HS3ST3A1: variants seen among roughly 807,000 people sequenced by gnomAD.
The protein encoded by HS3ST3A1 is heparan sulfate-glucosamine 3-sulfotransferase 3A1.
A neutral mutation model predicts 25.7 loss-of-function variants in HS3ST3A1; 19 were observed. The ratio of observed to expected loss-of-function variants is 0.74; its 90% confidence interval spans 0.52 to 1.08. The LOEUF is 1.08. Among genes scored for constraint, HS3ST3A1 ranks in the 50% least tolerant of loss-of-function variants. The pLI is 0.00. For missense variants in HS3ST3A1, 459 were observed against 594.3 expected, an observed-to-expected ratio of 0.77 and a Z score of 2.37; for synonymous variants, 226 against 278.6, an observed-to-expected ratio of 0.81 and a Z score of 1.88.
At chr17:13,600,387 G>A in intron 1 of HS3ST3A1, 144 bp downstream of exon 1, 1 of 1,363,616 alleles carries the variant, frequency 7.3e-7, no homozygotes, top group Non-Finnish European at 9.5e-7. Flanking sequence ...AAGGCGGAGA[G>A]GGAAGAAAGA....
chr17:13,506,882 C>T (rs1404123872), intron 1 of HS3ST3A1, among the ~76,000 whole-genome samples: 2 of 150,780 alleles, frequency 1.3e-5, no homozygotes, highest in South Asian at 2.1e-4. Flanking sequence ...CATGCTGTAA[C>T]CCTGTCTCTA....
At chr17:13,587,665 G>A (rs1485041999) in intron 1 of HS3ST3A1, among the ~76,000 whole-genome samples, 2 of 151,858 alleles carry the variant, frequency 1.3e-5, no homozygotes, top group East Asian at 3.9e-4. Context: ...GAGAGCAGGG[G>A]ATGATTTATA....
chr17:13,584,080 T>C (rs1323059569), intron 1 of HS3ST3A1, among the ~76,000 whole-genome samples: 1 of 152,218 alleles, frequency 6.6e-6, no homozygotes, highest in Non-Finnish European at 1.5e-5. Flanking sequence ...CATAAAAATA[T>C]GTCACTGATG....
intron 1 of HS3ST3A1, among the ~76,000 whole-genome samples, chr17:13,579,315 A>G (rs1908037003): frequency 1.3e-5 from 2 of 152,206 alleles, no homozygotes; most frequent in South Asian, 4.1e-4. Flanking sequence ...AAATAACATT[A>G]CAAACAAAGA....
intron 1 of HS3ST3A1, among the ~76,000 whole-genome samples, chr17:13,503,817 C>A (rs371475321): frequency 6.6e-6 from 1 of 152,136 alleles, no homozygotes; most frequent in Non-Finnish European, 1.5e-5. Flanking sequence ...ATCTACCAAA[C>A]GAGCGCATTC....
At chr17:13,581,757 T>G (rs1250718063) in intron 1 of HS3ST3A1, among the ~76,000 whole-genome samples, 1 of 152,190 alleles carries the variant, frequency 6.6e-6, no homozygotes, top group Non-Finnish European at 1.5e-5. Flanking sequence ...TTAATAAACT[T>G]TGGTCTATCA....
chr17:13,513,277 C>T (rs1030939752), intron 1 of HS3ST3A1, among the ~76,000 whole-genome samples: 1 of 152,234 alleles, frequency 6.6e-6, no homozygotes, highest in African/African-American at 2.4e-5. Context: ...CGCCTCACAT[C>T]TGTGTGACGG....
At chr17:13,552,695 T>C (rs1176968978) in intron 1 of HS3ST3A1, among the ~76,000 whole-genome samples, 1 of 152,218 alleles carries the variant, frequency 6.6e-6, no homozygotes, top group Non-Finnish European at 1.5e-5. Context: ...TTAACTGTTT[T>C]AGGCAAGGCT....
intron 1 of HS3ST3A1, among the ~76,000 whole-genome samples, chr17:13,524,435 T>C (rs1906345408): frequency 6.6e-6 from 1 of 152,106 alleles, no homozygotes. Flanking sequence ...TTTTTGTTTT[T>C]TTTGTAGATA....
In HS3ST3A1 at chr17:13,587,628, G is replaced by C. The variant is rs79889577; in HGVS notation, c.599+12903C>G. Among the ~76,000 whole-genome samples the C allele has an allele frequency of 2.6e-3, 390 of 152,026 alleles. 6 individuals carry two copies. The highest frequency in any genetic ancestry group is 3.5e-3 in the Non-Finnish European group (236 of 67,970). ...CCTACTACTCCTAAATGATTCATAT[G>C]GTACCCAGGCATCTAAAGGAAAAAG... On this transcript the variant is annotated intron_variant, in intron 1 of 1. Transcript: ENST00000284110.
At chr17:13,580,040 G>A (rs531160182) in intron 1 of HS3ST3A1, among the ~76,000 whole-genome samples, 1 of 150,924 alleles carries the variant, frequency 6.6e-6, no homozygotes, top group Non-Finnish European at 1.5e-5. Context: ...TACCAGTTTT[G>A]CATTTGCCAT....
At chr17:13,542,447 G>A (rs1906962867) in intron 1 of HS3ST3A1, among the ~76,000 whole-genome samples, 1 of 152,050 alleles carries the variant, frequency 6.6e-6, no homozygotes, top group Non-Finnish European at 1.5e-5. Flanking sequence ...ACAGAGGAAA[G>A]GTTGTGTGAA....
chr17:13,577,686 G>A (rs1394587592), intron 1 of HS3ST3A1, among the ~76,000 whole-genome samples: 1 of 152,158 alleles, frequency 6.6e-6, no homozygotes, highest in Non-Finnish European at 1.5e-5. Context: ...CTCAGTCAGA[G>A]ATAAAACACA....
intron 1 of HS3ST3A1, among the ~76,000 whole-genome samples, chr17:13,574,755 C>CAA: frequency 1.5e-5 from 1 of 68,110 alleles, no homozygotes; most frequent in Non-Finnish European, 2.8e-5. Context: ...CACACACACA[C>CAA]ACACAAAAAA....
intron 1 of HS3ST3A1, among the ~76,000 whole-genome samples, chr17:13,559,039 C>G (rs1330926160): frequency 1.3e-5 from 2 of 152,146 alleles, no homozygotes; most frequent in Non-Finnish European, 2.9e-5. Context: ...CTCAGCTATG[C>G]CCTTGTACAA....
intron 1 of HS3ST3A1, among the ~76,000 whole-genome samples, chr17:13,557,246 T>C (rs1907408344): frequency 6.6e-6 from 1 of 152,200 alleles, no homozygotes; most frequent in Non-Finnish European, 1.5e-5. Flanking sequence ...AAGAATGGAT[T>C]TTTCATCAGC....
intron 1 of HS3ST3A1, among the ~76,000 whole-genome samples, chr17:13,570,224 C>T (rs1907767633): frequency 6.8e-6 from 1 of 147,128 alleles, no homozygotes; most frequent in South Asian, 2.1e-4. Context: ...CTCAATGCTA[C>T]CAGGAGACAA....
intron 1 of HS3ST3A1, among the ~76,000 whole-genome samples, chr17:13,576,283 T>G (rs1484342788): frequency 6.6e-6 from 1 of 152,210 alleles, no homozygotes; most frequent in Admixed American, 6.5e-5. Flanking sequence ...GCGATCACAG[T>G]CATCAGCTGG....
At chr17:13,545,811 A>C (rs4791552) in intron 1 of HS3ST3A1, among the ~76,000 whole-genome samples, 133,260 of 152,042 alleles carry the variant, frequency 0.88, 58,680 homozygotes, top group African/African-American at 0.96. Context: ...ACTTTCTCTA[A>C]TAACAATACA....
Sources: allele counts gnomAD v4.1 joint callset (sites outside exome capture counted in the v4.1 genomes callset), GRCh38; gene constraint gnomAD v4.1.1; transcripts MANE v1.5; gene names NCBI Gene and HGNC (gene_info 2026-07-23, HGNC 2026-07-21).